The following FRMD5 variants were observed in gnomAD, a reference collection of about 807,000 sequenced individuals.
FRMD5 encodes FERM domain containing 5.
In FRMD5, 20 loss-of-function variants were observed where a neutral mutation model predicts 69.0. That is an observed-to-expected ratio of 0.29 (90% CI 0.20 to 0.42). FRMD5 has a LOEUF of 0.42. Among genes scored for constraint, FRMD5 ranks in the 10% least tolerant of loss-of-function variants. FRMD5 has a pLI of 1.00. For synonymous variants in FRMD5, 271 were observed against 260.1 expected, an observed-to-expected ratio of 1.04 and a Z score of -0.40; for missense variants, 595 against 708.6, an observed-to-expected ratio of 0.84 and a Z score of 1.82.
intron 1 of FRMD5, among the ~76,000 whole-genome samples, chr15:44,002,515 A>G (rs978576117): frequency 2.6e-5 from 4 of 152,060 alleles, no homozygotes; most frequent in Non-Finnish European, 5.9e-5. Flanking sequence ...CCAAAAACCA[A>G]TCTCCCTGAG....
chr15:44,046,603 T>C (rs1892438377), intron 1 of FRMD5, among the ~76,000 whole-genome samples: 1 of 152,214 alleles, frequency 6.6e-6, no homozygotes. Context: ...GCTTTCCTGG[T>C]GTTTGCTAGC....
chr15:43,877,012 CAACTG>C (rs919012218), intron 13 of FRMD5, among the ~76,000 whole-genome samples: 1 of 152,196 alleles, frequency 6.6e-6, no homozygotes, highest in Non-Finnish European at 1.5e-5. Context: ...GTTACACTCT[CAACTG>C]AACAGCAGCC....
intron 1 of FRMD5, chr15:44,063,780 TG>T: frequency 6.1e-6 from 2 of 327,594 alleles, no homozygotes; most frequent in Non-Finnish European, 1.2e-5. Context: ...GGGGTGATGC[TG>T]GCACTAATTA....
intron 1 of FRMD5, among the ~76,000 whole-genome samples, chr15:43,954,065 A>C (rs1298310411): frequency 6.6e-6 from 1 of 152,232 alleles, no homozygotes; most frequent in Non-Finnish European, 1.5e-5. Flanking sequence ...GAAATCTGCC[A>C]GAGCTGAGCT....
chr15:44,127,615 C>T (rs1023782226), intron 1 of FRMD5, among the ~76,000 whole-genome samples: 5 of 152,042 alleles, frequency 3.3e-5, no homozygotes, highest in South Asian at 2.1e-4. Context: ...GCTCACAACC[C>T]GTAATGCCAG....
chr15:44,143,683 TG>T (rs1392671436), intron 1 of FRMD5, among the ~76,000 whole-genome samples: 1 of 151,000 alleles, frequency 6.6e-6, no homozygotes, highest in Non-Finnish European at 1.5e-5. Flanking sequence ...CCCAGGACTT[TG>T]GGAGGCCGAG....
intron 1 of FRMD5, among the ~76,000 whole-genome samples, chr15:44,058,271 G>T (rs71478316): frequency 3.3e-5 from 5 of 152,172 alleles, no homozygotes; most frequent in Non-Finnish European, 5.9e-5. Context: ...GTATAATTAT[G>T]TTTATATGAA....
In FRMD5 at chr15:44,159,366, A is replaced by T. The variant is rs561957637; in HGVS notation, c.102+35587T>A. ...TAGACCATAAAGGGCTTTGTATTCC[A>T]TGGTAAAGGAGTACGGAGGCTAAAC... On this transcript the variant is annotated intron_variant, in intron 1 of 13. Transcript: ENST00000417257. Among the ~76,000 whole-genome samples the T allele has an allele frequency of 3.3e-5, 5 of 152,300 alleles. 1 individual carries two copies. The East Asian group carries it at 9.7e-4, about 29-fold the overall frequency.
At chr15:44,090,034 C>T (rs968486444) in intron 1 of FRMD5, among the ~76,000 whole-genome samples, 1 of 152,172 alleles carries the variant, frequency 6.6e-6, no homozygotes, top group African/African-American at 2.4e-5. Flanking sequence ...TGCATGCATG[C>T]TCACCTCCGT....
chr15:44,183,129 T>C (rs2078038500), intron 1 of FRMD5, among the ~76,000 whole-genome samples: 1 of 152,122 alleles, frequency 6.6e-6, no homozygotes, highest in Admixed American at 6.5e-5. Flanking sequence ...GTAAGTGCTA[T>C]AAGTCCCCCA....
chr15:43,943,583 A>G (rs532547411), intron 1 of FRMD5, among the ~76,000 whole-genome samples: 2 of 152,376 alleles, frequency 1.3e-5, no homozygotes, highest in East Asian at 3.9e-4. Context: ...ATACTGGATT[A>G]GGGTAGACCT....
intron 1 of FRMD5, among the ~76,000 whole-genome samples, chr15:44,039,834 C>A (rs1194162124): frequency 2.0e-4 from 31 of 152,006 alleles, no homozygotes; most frequent in Admixed American, 2.0e-3. Flanking sequence ...GTTTGACGAA[C>A]TGACAGAAGA....
rs2088198806 is a variant in FRMD5 at position 43,872,901 on chromosome 15, T to C, written c.*984A>G. On this transcript the variant is annotated 3_prime_UTR_variant, in exon 14 of 14. Coordinates refer to ENST00000417257, the MANE Select transcript of FRMD5 (RefSeq NM_032892.5). Reference sequence around the variant, plus strand: ...GTTAAAATATAAATTGAAATAGTCTTTGGGTCAAGGGGGTGTATATAAAAT... The same window carrying C: ...GTTAAAATATAAATTGAAATAGTCTCTGGGTCAAGGGGGTGTATATAAAAT... The C allele has an allele frequency of 2.6e-6, 1 of 388,228 alleles. No homozygotes were observed. Among genetic ancestry groups the C allele is most frequent in the Admixed American group, 4.2e-5 (1 of 23,958 alleles). 24.0% of individuals were successfully genotyped at this position (388,228 alleles called of 1,614,324 possible).
At position 44,067,101 on chromosome 15, in the gene FRMD5, AAG is replaced by A. The variant is rs576536437; in HGVS notation, c.102+127850_102+127851del. ...AGGAAAATTCCCGTAATTCAAAAGA[AAG>A]AGAGTATAAAAGGGAAAAGAGTGAA... On this transcript the variant is annotated intron_variant, in intron 1 of 13. Transcript: ENST00000417257. Among the ~76,000 whole-genome samples the A allele has an allele frequency of 2.1e-3, 314 of 152,298 alleles. 1 individual carries two copies. The highest frequency in any genetic ancestry group is 7.1e-3 in the African/African-American group (294 of 41,570).
chr15:43,971,595 A>C (rs1262881402), intron 1 of FRMD5, among the ~76,000 whole-genome samples: 2 of 150,514 alleles, frequency 1.3e-5, no homozygotes, highest in African/African-American at 4.9e-5. Flanking sequence ...GATGCAGGAG[A>C]ATCACTTGAA....
chr15:43,970,453 T>C (rs562555264), intron 1 of FRMD5, among the ~76,000 whole-genome samples: 1 of 152,288 alleles, frequency 6.6e-6, no homozygotes, highest in Admixed American at 6.5e-5. Flanking sequence ...GATGTAGCAT[T>C]TTACCCCATT....
chr15:44,014,651 C>T (rs538125557), intron 1 of FRMD5, among the ~76,000 whole-genome samples: 1 of 152,114 alleles, frequency 6.6e-6, no homozygotes, highest in Non-Finnish European at 1.5e-5. Context: ...GCAGGAGAAT[C>T]GCTTGAACCC....
At chr15:43,914,654 A>C (rs1488423337) in intron 4 of FRMD5, among the ~76,000 whole-genome samples, 2 of 150,922 alleles carry the variant, frequency 1.3e-5, no homozygotes, top group East Asian at 3.9e-4. Context: ...ATAAAGACTC[A>C]CATTTACTGA....
chr15:43,914,285 A>C (rs911794788), intron 4 of FRMD5, among the ~76,000 whole-genome samples: 8 of 152,106 alleles, frequency 5.3e-5, no homozygotes, highest in African/African-American at 1.2e-4. Flanking sequence ...CTTTGGCCTT[A>C]CCTTCCCTTC....
Sources: allele counts gnomAD v4.1 joint callset (sites outside exome capture counted in the v4.1 genomes callset), GRCh38; gene constraint gnomAD v4.1.1; transcripts MANE v1.5; gene names NCBI Gene and HGNC (gene_info 2026-07-23, HGNC 2026-07-21).